The following SOX5 variants were observed in gnomAD, a reference collection of about 807,000 sequenced individuals.
SOX5 encodes SRY-box transcription factor 5.
In SOX5, 9 loss-of-function variants were observed where a neutral mutation model predicts 92.0. The ratio of observed to expected loss-of-function variants is 0.10; its 90% confidence interval spans 0.06 to 0.17. The LOEUF (loss-of-function observed/expected upper bound fraction) is 0.17. Ranked by LOEUF, SOX5 falls within the 10% of genes least tolerant of loss-of-function variation. The pLI, the probability that SOX5 is intolerant of heterozygous loss-of-function variation, is 1.00. For missense variants in SOX5, 642 were observed against 944.5 expected, an observed-to-expected ratio of 0.68 and a Z score of 4.20; for synonymous variants, 344 against 336.3, an observed-to-expected ratio of 1.02 and a Z score of -0.25.
intron 2 of SOX5, among the ~76,000 whole-genome samples, chr12:24,293,740 A>G (rs560776623): frequency 2.0e-5 from 3 of 152,318 alleles, no homozygotes; most frequent in South Asian, 4.1e-4. Context: ...TTTTAAGTCA[A>G]TGGGACCGAT....
intron 4 of SOX5, among the ~76,000 whole-genome samples, chr12:24,063,655 T>C (rs561177055): frequency 3.3e-5 from 5 of 152,328 alleles, no homozygotes; most frequent in African/African-American, 1.2e-4. Flanking sequence ...TTACAACCTT[T>C]ACACAGATTG....
chr12:24,273,467 T>C (rs752712917), intron 3 of SOX5, among the ~76,000 whole-genome samples: 6 of 152,194 alleles, frequency 3.9e-5, no homozygotes, highest in Non-Finnish European at 7.4e-5. Context: ...TCTTTATATT[T>C]ACCCCAAAAA....
At chr12:24,309,855 A>G (rs1017775548) in intron 2 of SOX5, among the ~76,000 whole-genome samples, 8 of 152,216 alleles carry the variant, frequency 5.3e-5, no homozygotes, top group African/African-American at 7.2e-5. Context: ...TTGGAAAACT[A>G]CAAGTTCTTA....
intron 4 of SOX5, among the ~76,000 whole-genome samples, chr12:24,048,144 C>T (rs1957228684): frequency 6.6e-6 from 1 of 152,180 alleles, no homozygotes; most frequent in Non-Finnish European, 1.5e-5. Flanking sequence ...CTTTCTGATA[C>T]ATCATCACAT....
At chr12:23,621,267 G>A (rs533952485) in intron 8 of SOX5, among the ~76,000 whole-genome samples, 2 of 152,122 alleles carry the variant, frequency 1.3e-5, no homozygotes, top group South Asian at 4.2e-4. Context: ...ACAGAAAGTA[G>A]AATAGAGCTT....
intron 6 of SOX5, among the ~76,000 whole-genome samples, chr12:23,720,778 A>T (rs570063476): frequency 3.3e-5 from 5 of 152,318 alleles, no homozygotes; most frequent in East Asian, 3.9e-4. Context: ...AAACATTCAA[A>T]TATTGTTCCA....
At chr12:23,689,169 C>A (rs16926608) in intron 6 of SOX5, among the ~76,000 whole-genome samples, 15,852 of 152,070 alleles carry the variant, frequency 0.1, 1,676 homozygotes, top group African/African-American at 0.28. Flanking sequence ...ATGCTTAAGT[C>A]GTCTTTGTTT....
At chr12:24,181,655 C>A (rs1376426991) in intron 4 of SOX5, among the ~76,000 whole-genome samples, 1 of 152,102 alleles carries the variant, frequency 6.6e-6, no homozygotes, top group Admixed American at 6.6e-5. Context: ...GCATGCCTGG[C>A]ACATGGTAAG....
In SOX5 at chr12:24,060,369, T is replaced by C. The variant is rs16927125; in HGVS notation, c.-2+152974A>G. ...CCTATGCGCTTGTACTGCACTCTTA[T>C]ACTCTCAACCATGACAACTCTCCTG... is the stretch of plus-strand genomic sequence containing the variant. On this transcript the variant is annotated intron_variant, in intron 4 of 4. Coordinates refer to the SOX5 transcript ENST00000446891. Among the ~76,000 whole-genome samples, 651 of 152,350 alleles carry C rather than the reference T, an allele frequency of 4.3e-3. 7 individuals are homozygous for C. The highest frequency in any genetic ancestry group is 0.015 in the African/African-American group (628 of 41,580).
intron 2 of SOX5, among the ~76,000 whole-genome samples, chr12:24,306,146 G>A (rs1948538899): frequency 6.6e-6 from 1 of 152,158 alleles, no homozygotes; most frequent in South Asian, 2.1e-4. Flanking sequence ...TCTCCTGAAA[G>A]TGGAATTCAG....
chr12:23,828,806 C>T (rs564721916), intron 3 of SOX5, among the ~76,000 whole-genome samples: 1 of 151,248 alleles, frequency 6.6e-6, no homozygotes, highest in Non-Finnish European at 1.5e-5. Context: ...TTCTCCTAAG[C>T]CTCCAAAGTT....
At chr12:23,759,242 G>A (rs1005218805) in intron 3 of SOX5, among the ~76,000 whole-genome samples, 3 of 151,972 alleles carry the variant, frequency 2.0e-5, no homozygotes, top group Non-Finnish European at 4.4e-5. Flanking sequence ...TCAGGGTGTG[G>A]TCCAATTATA....
intron 3 of SOX5, among the ~76,000 whole-genome samples, chr12:23,772,367 G>A (rs2094961007): frequency 6.6e-6 from 1 of 151,988 alleles, no homozygotes; most frequent in Admixed American, 6.6e-5. Context: ...GATATCCAAT[G>A]GATTATATGA....
intron 3 of SOX5, among the ~76,000 whole-genome samples, chr12:23,840,126 T>C (rs930798923): frequency 6.6e-6 from 1 of 152,082 alleles, no homozygotes; most frequent in African/African-American, 2.4e-5. Flanking sequence ...TAGTGAGTCC[T>C]GAAAGGCCAA....
At chr12:23,937,628 C>G (rs903393524) in intron 1 of SOX5, among the ~76,000 whole-genome samples, 1 of 150,882 alleles carries the variant, frequency 6.6e-6, no homozygotes, top group Non-Finnish European at 1.5e-5. Flanking sequence ...CTGGGGTTCT[C>G]ATCCTAAGGG....
intron 1 of SOX5, among the ~76,000 whole-genome samples, chr12:24,537,857 T>C (rs918745704): frequency 7.2e-5 from 11 of 152,236 alleles, no homozygotes; most frequent in Non-Finnish European, 1.0e-4. Context: ...CATAGCTTCC[T>C]CTTTAAAAAT....
Position 23,640,722 on chromosome 12 carries a change from A to C in SOX5, c.1017+90T>G. ...AAACAGAAAGTGTGAGACGAATATC[A>C]CGAGTCAGTTTTATTTTGCTTTAAC... On this transcript the variant is annotated intron_variant, in intron 8 of 14. Coordinates refer to ENST00000451604, the MANE Select transcript of SOX5 (RefSeq NM_006940.6). 3 of 855,522 alleles carry C rather than the reference A, an allele frequency of 3.5e-6. No homozygotes were observed. In the South Asian group the frequency reaches 4.4e-5, roughly 12 times the overall value. 53.0% of individuals were successfully genotyped at this position (855,522 alleles called of 1,614,324 possible).
At chr12:23,947,943 A>C (rs1013756908) in intron 1 of SOX5, among the ~76,000 whole-genome samples, 1 of 152,080 alleles carries the variant, frequency 6.6e-6, no homozygotes, top group African/African-American at 2.4e-5. Context: ...GTATTTGCAA[A>C]AAGTATAATT....
At chr12:23,828,749 A>G (rs942800249) in intron 3 of SOX5, among the ~76,000 whole-genome samples, 4 of 145,016 alleles carry the variant, frequency 2.8e-5, no homozygotes, top group Non-Finnish European at 6.1e-5. Context: ...CAAATTCAGG[A>G]CATCAAAAAA....
Sources: allele counts gnomAD v4.1 joint callset (sites outside exome capture counted in the v4.1 genomes callset), GRCh38; gene constraint gnomAD v4.1.1; transcripts MANE v1.5; gene names NCBI Gene and HGNC (gene_info 2026-07-23, HGNC 2026-07-21).